TP63: variants seen among roughly 807,000 people sequenced by gnomAD.
The protein encoded by TP63 is tumor protein p63.
Under a neutral mutation model 82.8 loss-of-function variants are expected in TP63, and 17 were observed. The ratio of observed to expected loss-of-function variants is 0.21; its 90% CI spans 0.14 to 0.31. The LOEUF is 0.31. Ranked by LOEUF, TP63 falls within the 10% of genes least tolerant of loss-of-function variation. The probability of loss-of-function intolerance (pLI) is 1.00; values close to 1 mark genes in which losing one functional copy is unlikely to be tolerated. For synonymous variants in TP63, 330 were observed against 321.7 expected, an observed-to-expected ratio of 1.03 and a Z score of -0.28; for missense variants, 648 against 895.3, an observed-to-expected ratio of 0.72 and a Z score of 3.52.
chr3:189,791,336 A>C (rs1216395266), intron 3 of TP63, among the ~76,000 whole-genome samples: 1 of 152,134 alleles, frequency 6.6e-6, no homozygotes, highest in Non-Finnish European at 1.5e-5. Context: ...GTTGATGTAA[A>C]GTGGCAAGAA....
intron 1 of TP63, among the ~76,000 whole-genome samples, chr3:189,700,740 A>G (rs1717741183): frequency 6.6e-6 from 1 of 152,174 alleles, no homozygotes; most frequent in Non-Finnish European, 1.5e-5. Flanking sequence ...TACATAGAGA[A>G]TTGGAAACAG....
intron 3 of TP63, among the ~76,000 whole-genome samples, chr3:189,775,378 C>G (rs977738746): frequency 6.6e-6 from 1 of 152,152 alleles, no homozygotes; most frequent in Admixed American, 6.5e-5. Flanking sequence ...CTTTTCTTCA[C>G]CCCAAACCTA....
intron 4 of TP63, among the ~76,000 whole-genome samples, chr3:189,863,204 A>G (rs1913721): frequency 0.6 from 90,745 of 151,458 alleles, 27,731 homozygotes; most frequent in African/African-American, 0.74. Context: ...GTTTGGATAC[A>G]TGTTACTAGG....
chr3:189,747,963 G>T (rs1206707558), intron 3 of TP63, among the ~76,000 whole-genome samples: 1 of 152,002 alleles, frequency 6.6e-6, no homozygotes, highest in Non-Finnish European at 1.5e-5. Context: ...ACAAGAAATT[G>T]ACACGTTCCT....
chr3:189,717,756 A>T (rs1233318511), intron 1 of TP63, among the ~76,000 whole-genome samples: 1 of 152,196 alleles, frequency 6.6e-6, no homozygotes. Context: ...CCTTTCCTTT[A>T]AAGCAGTTTT....
Position 189,743,708 on chromosome 3 carries a change from T to G in TP63, c.324+4934T>G, listed in dbSNP as rs148052021. Among the ~76,000 whole-genome samples the G allele has an allele frequency of 5.0e-3, 755 of 152,266 alleles. 10 individuals are homozygous for G. Among genetic ancestry groups the G allele is most frequent in the African/African-American group, 0.018 (734 of 41,538 alleles). On this transcript the variant is annotated intron_variant, in intron 3 of 13. Coordinates refer to ENST00000264731, the MANE Select transcript of TP63 (RefSeq NM_003722.5). ...CAAAATGGCAAGTAGATTGTCACATTTTGAATAGATTATCTAAGGGAAAAA... is the reference window on the plus strand; with the variant it reads ...CAAAATGGCAAGTAGATTGTCACATGTTGAATAGATTATCTAAGGGAAAAA...
intron 10 of TP63, 158 bp downstream of exon 10, chr3:189,873,153 C>G: frequency 9.5e-7 from 1 of 1,047,442 alleles, no homozygotes; most frequent in Non-Finnish European, 1.5e-6. Flanking sequence ...TCAGTTGCAA[C>G]CTTTTTTACG....
At chr3:189,624,602 C>A in the TP63 span, among the ~76,000 whole-genome samples, 13 of 152,076 alleles carry the variant, frequency 8.5e-5, no homozygotes, top group Non-Finnish European at 1.5e-4. Context: ...CCTACAGACA[C>A]AAGAATAGTG....
At chr3:189,890,701 A>G in intron 12 of TP63, 88 bp from the exon 13 acceptor site, 2 of 1,255,054 alleles carry the variant, frequency 1.6e-6, no homozygotes, top group East Asian at 2.4e-5. Context: ...AGGGCAAAAT[A>G]TATTGGGTTT....
intron 3 of TP63, among the ~76,000 whole-genome samples, chr3:189,777,845 C>CTTT (rs55731981): frequency 0.027 from 1,018 of 37,864 alleles, 14 homozygotes; most frequent in Non-Finnish European, 0.029. Flanking sequence ...TCTTCTTCTT[C>CTTT]TTTTTTTTTT....
chr3:189,835,969 T>C (rs935398031), intron 4 of TP63, among the ~76,000 whole-genome samples: 1 of 139,290 alleles, frequency 7.2e-6, no homozygotes, highest in Admixed American at 7.3e-5. Context: ...ATAATAATAA[T>C]GTAAAGTGGG....
intron 10 of TP63, among the ~76,000 whole-genome samples, chr3:189,875,634 A>G (rs1382442836): frequency 7.6e-6 from 1 of 131,146 alleles, no homozygotes; most frequent in Non-Finnish European, 1.6e-5. Flanking sequence ...ATATATATAT[A>G]TATAAACTAT....
rs1325930147 is a variant in TP63 at position 189,713,348 on chromosome 3, A to G, written c.63-24392A>G. ...AGCTTGAGTAAACAATCTACACATGAGCATCTGGTTTTGAGCTGACAGACA... is the reference window on the plus strand; with the variant it reads ...AGCTTGAGTAAACAATCTACACATGGGCATCTGGTTTTGAGCTGACAGACA... On this transcript the variant is annotated intron_variant, in intron 1 of 13. Transcript: ENST00000264731. Among the ~76,000 whole-genome samples, 3 of 152,312 alleles carry G rather than the reference A, an allele frequency of 2.0e-5. No individual in the cohort carries two copies. The East Asian group carries it at 5.8e-4, about 29-fold the overall frequency.
At chr3:189,776,160 T>C (rs1723777478) in intron 3 of TP63, among the ~76,000 whole-genome samples, 1 of 152,236 alleles carries the variant, frequency 6.6e-6, no homozygotes, top group Non-Finnish European at 1.5e-5. Flanking sequence ...GGATTTCATA[T>C]TGTCTTTCTC....
At chr3:189,745,263 T>C (rs1400798487) in intron 3 of TP63, among the ~76,000 whole-genome samples, 1 of 152,134 alleles carries the variant, frequency 6.6e-6, no homozygotes, top group Non-Finnish European at 1.5e-5. Flanking sequence ...TCTCCAGCAA[T>C]AGATCCCAGT....
At chr3:189,822,709 A>C (rs528919215) in intron 4 of TP63, among the ~76,000 whole-genome samples, 23 of 152,102 alleles carry the variant, frequency 1.5e-4, no homozygotes, top group African/African-American at 5.5e-4. Flanking sequence ...TTATTTTTGG[A>C]GCCTTAGCCC....
intron 10 of TP63, among the ~76,000 whole-genome samples, chr3:189,876,316 A>G (rs1304468105): frequency 1.3e-5 from 2 of 152,216 alleles, no homozygotes; most frequent in Admixed American, 6.5e-5. Context: ...TACGATGAGT[A>G]TCCAGTGCTT....
intron 3 of TP63, among the ~76,000 whole-genome samples, chr3:189,782,420 T>C (rs1159437134): frequency 6.6e-6 from 1 of 152,158 alleles, no homozygotes; most frequent in Non-Finnish European, 1.5e-5. Context: ...ATGGAGGATA[T>C]GGCAGTAAGT....
At chr3:189,745,868 T>G (rs922839249) in intron 3 of TP63, among the ~76,000 whole-genome samples, 1 of 150,974 alleles carries the variant, frequency 6.6e-6, no homozygotes, top group Non-Finnish European at 1.5e-5. Context: ...ATAACACAGT[T>G]AGATAAAAAT....
Sources: allele counts gnomAD v4.1 joint callset (sites outside exome capture counted in the v4.1 genomes callset), GRCh38; gene constraint gnomAD v4.1.1; transcripts MANE v1.5; gene names NCBI Gene and HGNC (gene_info 2026-07-23, HGNC 2026-07-21).